RYR3: variants seen among roughly 807,000 people sequenced by gnomAD.
RYR3 encodes brain ryanodine receptor-calcium release channel.
Under a neutral mutation model 584.3 loss-of-function variants are expected in RYR3, and 207 were observed. The observed-to-expected ratio is 0.35, with a 90% CI of 0.32 to 0.40. The LOEUF is 0.40. Among genes scored for constraint, RYR3 ranks in the 10% least tolerant of loss-of-function variants. RYR3 has a pLI of 1.00. For missense variants in RYR3, 5,616 were observed against 6,089.2 expected (o/e 0.92, Z 2.59); for synonymous variants, 2,416 against 2,248.5 (o/e 1.07, Z -2.11).
chr15:33,861,185 ATTCTTGG>A lies in RYR3; in HGVS notation c.14465+10_14465+16del. On this transcript the variant is annotated splice_region_variant and intron_variant, in intron 102 of 103. Coordinates refer to ENST00000634891, the MANE Select transcript of RYR3 (RefSeq NM_001036.6). Reference sequence around the variant, plus strand: ...ACAACTTAGCCAACTACTTGTGAGTATTCTTGGTTAACAAAAGTAATGGCAGCTGTAG... The same window carrying A: ...ACAACTTAGCCAACTACTTGTGAGTATTAACAAAAGTAATGGCAGCTGTAG... 2 of 1,571,602 alleles carry A rather than the reference ATTCTTGG, an allele frequency of 1.3e-6. No homozygotes were observed. Among genetic ancestry groups the A allele is most frequent in the East Asian group, 4.6e-5 (2 of 43,666 alleles).
In RYR3 at chr15:33,416,067, T is replaced by C. The variant is rs1255462514; in HGVS notation, c.52-57352T>C. On this transcript the variant is annotated intron_variant, in intron 1 of 103. Transcript: ENST00000634891. ...TTTATGGCTATGTAGCATTCCATAG[T>C]ATATATATCCCACATTTTCTTTATC... Among the ~76,000 whole-genome samples the C allele has an allele frequency of 3.9e-5, 6 of 152,360 alleles. No homozygotes were observed. The East Asian group carries it at 1.2e-3, about 29-fold the overall frequency.
At position 33,865,816 on chromosome 15, in the gene RYR3, TTTGTGTTCCA is replaced by T. The variant is rs1292654651; in HGVS notation, c.*591_*600del. 6.5e-6 allele frequency: 1 copy of T among 152,742 alleles called. No individual in the cohort carries two copies. Among genetic ancestry groups the T allele is most frequent in the Non-Finnish European group, 1.5e-5 (1 of 68,112 alleles). The allele number at this position is 152,742 out of a possible 1,614,324, so 9.5% of individuals were successfully genotyped here. On this transcript the variant is annotated 3_prime_UTR_variant, in exon 104 of 104. Coordinates refer to ENST00000634891, the MANE Select transcript of RYR3 (RefSeq NM_001036.6). ...GACATAGCTATGCAAGTTTTTTATG[TTTGTGTTCCA>T]GAAGGACAGTTCCATTCATTAGTTG... is the stretch of plus-strand genomic sequence containing the variant.
At position 33,860,644 on chromosome 15, in the gene RYR3, A is replaced by G. The variant is rs2153016543; in HGVS notation, c.14349A>G (p.Val4783=). The change falls in exon 101 of 104, where the codon GTA becomes GTG. Residue 4783 remains valine, a synonymous_variant. Transcript: ENST00000634891. Reference sequence around the variant, plus strand: ...AGCTAAGAGACCAGCAGGAACAAGTACGAGAAGATATGGAGGTAATGTTAC... The same window carrying G: ...AGCTAAGAGACCAGCAGGAACAAGTGCGAGAAGATATGGAGGTAATGTTAC... ...FGELRDQQEQ[V]REDMETKCFI... 1 of 1,593,880 alleles carries G rather than the reference A, an allele frequency of 6.3e-7. No homozygotes were observed. Among genetic ancestry groups the G allele is most frequent in the Non-Finnish European group, 8.6e-7 (1 of 1,168,288 alleles).
chr15:33,367,312 C>T (rs1305612863), intron 1 of RYR3, among the ~76,000 whole-genome samples: 1 of 152,286 alleles, frequency 6.6e-6, no homozygotes, highest in African/African-American at 2.4e-5. Flanking sequence ...CTGAATTCTC[C>T]CTTTTGTCAC....
intron 27 of RYR3, among the ~76,000 whole-genome samples, chr15:33,639,548 G>A (rs936161395): frequency 2.0e-5 from 3 of 152,086 alleles, no homozygotes; most frequent in Admixed American, 6.6e-5. Flanking sequence ...ATGCATTGTA[G>A]CGCCTACCTC....
In RYR3 at chr15:33,752,947, A is replaced by G. The variant is rs376075012; in HGVS notation, c.8400-2118A>G. Among the ~76,000 whole-genome samples, 12 of 150,576 alleles carry G rather than the reference A, an allele frequency of 8.0e-5. No individual in the cohort carries two copies. The East Asian group carries it at 1.5e-3, about 19-fold the overall frequency. On this transcript the variant is annotated intron_variant, in intron 57 of 103. Coordinates refer to ENST00000634891, the MANE Select transcript of RYR3 (RefSeq NM_001036.6). ...TATTATTTTGAGAGATGTTCCATCAATACCTAGTTTATTGAGAGTTTTTAG... is the reference window on the plus strand; with the variant it reads ...TATTATTTTGAGAGATGTTCCATCAGTACCTAGTTTATTGAGAGTTTTTAG...
At chr15:33,654,805 C>A (rs1363201508) in intron 32 of RYR3, among the ~76,000 whole-genome samples, 1 of 152,212 alleles carries the variant, frequency 6.6e-6, no homozygotes, top group African/African-American at 2.4e-5. Flanking sequence ...TTAAAAACAT[C>A]CTGCTATGAT....
At chr15:33,373,802 T>G (rs1331475559) in intron 1 of RYR3, among the ~76,000 whole-genome samples, 1 of 152,200 alleles carries the variant, frequency 6.6e-6, no homozygotes, top group South Asian at 2.1e-4. Flanking sequence ...TGAGGGCTAC[T>G]GGAAGTAGCA....
chr15:33,691,948 C>G (rs1324607334), intron 38 of RYR3, among the ~76,000 whole-genome samples: 1 of 152,202 alleles, frequency 6.6e-6, no homozygotes, highest in Non-Finnish European at 1.5e-5. Flanking sequence ...CCAACAATAT[C>G]TTAGAATTTT....
chr15:33,826,821 G>A, intron 84 of RYR3, 69 bp downstream of exon 84: 1 of 1,120,384 alleles, frequency 8.9e-7, no homozygotes. Context: ...CGTTCAGTAT[G>A]CCCCATTTGA....
At chr15:33,672,234 T>C (rs2063892479) in intron 38 of RYR3, among the ~76,000 whole-genome samples, 1 of 152,188 alleles carries the variant, frequency 6.6e-6, no homozygotes, top group Non-Finnish European at 1.5e-5. Flanking sequence ...GTCACCTGCC[T>C]CTGTGAAGCC....
chr15:33,451,861 CA>C (rs1392296751), intron 1 of RYR3, among the ~76,000 whole-genome samples: 1 of 152,222 alleles, frequency 6.6e-6, no homozygotes, highest in Non-Finnish European at 1.5e-5. Context: ...AAATAAAGCT[CA>C]TAAAATTAAG....
chr15:33,644,277 C>T lies in RYR3; in HGVS notation c.3557-34C>T, dbSNP rs1007989911. 11 of 1,560,866 alleles carry T rather than the reference C, an allele frequency of 7.0e-6. No individual in the cohort carries two copies. In the African/African-American group the frequency reaches 8.1e-5, roughly 12 times the overall value. Reference sequence around the variant, plus strand: ...TCGGAGTTTCCTGGGATGGTGCCTTCGGGCTAAAGCAGGTCTCTCTAACTC... The same window carrying T: ...TCGGAGTTTCCTGGGATGGTGCCTTTGGGCTAAAGCAGGTCTCTCTAACTC... On this transcript the variant is annotated intron_variant, in intron 27 of 103. Transcript: ENST00000634891.
At position 33,511,261 on chromosome 15, in the gene RYR3, G is replaced by A. The variant is rs552102758; in HGVS notation, c.279+7523G>A. On this transcript the variant is annotated intron_variant, in intron 3 of 103. Coordinates refer to ENST00000634891, the MANE Select transcript of RYR3 (RefSeq NM_001036.6). ...GGAAAAACAAACTTTTACATTTAAC[G>A]CTCTTGCAAACCTCTAAGATAACAA... Among the ~76,000 whole-genome samples the A allele has an allele frequency of 4.7e-4, 69 of 146,678 alleles. No homozygotes were observed. In the South Asian group the frequency reaches 1.0e-2, roughly 21 times the overall value.
chr15:33,325,583 A>G (rs1008972018), intron 1 of RYR3, among the ~76,000 whole-genome samples: 2 of 149,472 alleles, frequency 1.3e-5, no homozygotes, highest in African/African-American at 2.4e-5. Context: ...CTGAATTCCC[A>G]TAGGATTATG....
chr15:33,724,130 A>C lies in RYR3; in HGVS notation c.6866A>C (p.Tyr2289Ser). Reference sequence around the variant, plus strand: ...ATGGGCAATGCAATTATGTCATTTTATTCGGCCCTTATAGATCTACTGGGC... The same window carrying C: ...ATGGGCAATGCAATTATGTCATTTTCTTCGGCCCTTATAGATCTACTGGGC... ...VHMGNAIMSFYSALIDLLGRC... is the reference protein window; with the variant it reads ...VHMGNAIMSFSSALIDLLGRC... Residue 2289 changes from tyrosine to serine, a missense_variant, in exon 45 of 104, where the codon TAT (tyrosine) becomes TCT (serine). Tyr to Ser is a moderately radical substitution (Grantham distance 144). Around this residue, in one of 9 missense-constraint regions of RYR3, gnomAD observed 1,280 missense variants for 1,426.2 expected, o/e 0.90. Coordinates refer to ENST00000634891, the MANE Select transcript of RYR3 (RefSeq NM_001036.6). 6.2e-7 allele frequency: 1 copy of C among 1,613,196 alleles called. No homozygotes were observed. The highest frequency in any genetic ancestry group is 8.5e-7 in the Non-Finnish European group (1 of 1,179,322).
At chr15:33,684,971 G>T (rs1488903352) in intron 38 of RYR3, among the ~76,000 whole-genome samples, 3 of 152,174 alleles carry the variant, frequency 2.0e-5, no homozygotes, top group Non-Finnish European at 4.4e-5. Context: ...GGAACAACCA[G>T]TACCAGCCAC....
rs773579643 is a variant in RYR3 at position 33,821,551 on chromosome 15, G to A, written c.10944G>A (p.Thr3648=). The A allele has an allele frequency of 7.4e-6, 12 of 1,614,002 alleles. No individual in the cohort carries two copies. The highest frequency in any genetic ancestry group is 9.3e-6 in the Non-Finnish European group (11 of 1,179,882). ...AGATGAGCCCCATGGTGGTTGAGAC[G>A]CTGAAGCTGGGGATCGCCATTCTGA... The part of the protein sequence containing the change: ...KGEMSPMVVE[T]LKLGIAILNG... Residue 3648 remains threonine, a synonymous_variant, in exon 80 of 104, where the codon ACG becomes ACA. Coordinates refer to ENST00000634891, the MANE Select transcript of RYR3 (RefSeq NM_001036.6).
chr15:33,859,580 C>G lies in RYR3; in HGVS notation c.14148C>G (p.Tyr4716Ter). ...DMKCDDMMTCYLFHMYVGVRA... is the reference protein window; with the variant it reads ...DMKCDDMMTC The stretch of plus-strand genomic sequence containing the variant: ...CCCTTATTTTTCTTCTCTAGTGTTA[C>G]CTTTTCCACATGTACGTGGGAGTGA... Residue 4716 changes from tyrosine to a stop codon, truncating the protein, a stop_gained, in exon 100 of 104, where the codon TAC becomes TAG. Transcript: ENST00000634891. LOFTEE classifies it high-confidence loss of function. The G allele has an allele frequency of 3.7e-6, 6 of 1,613,952 alleles. No individual in the cohort carries two copies. The highest frequency in any genetic ancestry group is 5.1e-6 in the Non-Finnish European group (6 of 1,179,880).
Sources: gnomAD v4.1 joint callset for allele counts (sites outside exome capture counted in the v4.1 genomes callset) on GRCh38, gnomAD v4.1.1 for gene constraint, gnomAD v4.1.1 regional missense constraint, MANE v1.5 for transcripts, NCBI Gene and HGNC (gene_info 2026-07-23, HGNC 2026-07-21) for gene names.